The following TRAPPC9 variants were observed in gnomAD, a reference collection of about 807,000 sequenced individuals.
TRAPPC9 encodes the protein trafficking protein particle complex subunit 9.
Under a neutral mutation model 124.0 loss-of-function variants are expected in TRAPPC9, and 83 were observed. The observed-to-expected ratio is 0.67, with a 90% CI of 0.56 to 0.80. The LOEUF (loss-of-function observed/expected upper bound fraction) is 0.80, where lower values mean the gene tolerates loss of function less well. Among genes scored for constraint, TRAPPC9 ranks in the 30% least tolerant of loss-of-function variants. The pLI is 0.00. For synonymous variants in TRAPPC9, 638 were observed against 617.5 expected, an observed-to-expected ratio of 1.03 and a Z score of -0.49; for missense variants, 1,302 against 1,508.3, an observed-to-expected ratio of 0.86 and a Z score of 2.27.
intron 17 of TRAPPC9, among the ~76,000 whole-genome samples, chr8:140,139,474 C>T (rs181639504): frequency 2.0e-5 from 3 of 152,264 alleles, no homozygotes; most frequent in Admixed American, 1.3e-4. Flanking sequence ...CAAAAAGACA[C>T]AGACGAAAAC....
At chr8:139,855,330 C>G (rs574774726) in intron 21 of TRAPPC9, among the ~76,000 whole-genome samples, 1 of 152,204 alleles carries the variant, frequency 6.6e-6, no homozygotes, top group Non-Finnish European at 1.5e-5. Context: ...GCTGCTCCCA[C>G]GCAGCCCTAG....
chr8:140,411,992 C>T (rs1159886365), intron 5 of TRAPPC9, among the ~76,000 whole-genome samples: 1 of 152,200 alleles, frequency 6.6e-6, no homozygotes, highest in Non-Finnish European at 1.5e-5. Context: ...ACTGAATCAG[C>T]CAGAACCAGT....
chr8:139,853,311 G>T (rs1296904091), intron 21 of TRAPPC9, among the ~76,000 whole-genome samples: 1 of 152,178 alleles, frequency 6.6e-6, no homozygotes, highest in Non-Finnish European at 1.5e-5. Context: ...AAAAGGAGGA[G>T]GGGAGGCCAA....
chr8:139,772,784 A>G (rs1464111495), intron 21 of TRAPPC9, among the ~76,000 whole-genome samples: 1 of 152,234 alleles, frequency 6.6e-6, no homozygotes, highest in Non-Finnish European at 1.5e-5. Flanking sequence ...TACAAAGTAA[A>G]ATGAGGCCCA....
intron 17 of TRAPPC9, among the ~76,000 whole-genome samples, chr8:140,030,795 C>T (rs1181237646): frequency 6.6e-6 from 1 of 152,178 alleles, no homozygotes; most frequent in Admixed American, 6.5e-5. Flanking sequence ...ATATGAGATA[C>T]TAGAAAAGCT....
At chr8:140,162,417 T>C (rs925919393) in intron 17 of TRAPPC9, among the ~76,000 whole-genome samples, 1 of 152,258 alleles carries the variant, frequency 6.6e-6, no homozygotes, top group African/African-American at 2.4e-5. Context: ...GCTTCCTTTA[T>C]TGATCTGCTG....
intron 17 of TRAPPC9, among the ~76,000 whole-genome samples, chr8:140,036,420 G>A (rs1840883821): frequency 6.6e-6 from 1 of 152,130 alleles, no homozygotes; most frequent in South Asian, 2.1e-4. Context: ...AGAGCTGACC[G>A]ACGGTACGCT....
chr8:140,458,207 G>A, upstream of TRAPPC9: 1 of 1,550,260 alleles, frequency 6.5e-7, no homozygotes, highest in African/African-American at 1.4e-5. Context: ...CAAGAGAACA[G>A]AGACTAGGAG....
At chr8:140,368,219 G>A (rs2068177803) in intron 8 of TRAPPC9, among the ~76,000 whole-genome samples, 2 of 152,184 alleles carry the variant, frequency 1.3e-5, no homozygotes, top group South Asian at 4.1e-4. Context: ...GATACTGAGT[G>A]CAAGAGGTCA....
intron 9 of TRAPPC9, among the ~76,000 whole-genome samples, chr8:140,332,412 G>T (rs980455913): frequency 2.0e-5 from 3 of 152,118 alleles, no homozygotes; most frequent in Non-Finnish European, 4.4e-5. Flanking sequence ...GCACTGTAGG[G>T]TGACTAAAAG....
chr8:139,841,041 C>T (rs1826695752), intron 21 of TRAPPC9, among the ~76,000 whole-genome samples: 1 of 152,160 alleles, frequency 6.6e-6, no homozygotes, highest in Non-Finnish European at 1.5e-5. Context: ...AGTATGAAAG[C>T]GGCCTCGCCT....
chr8:140,391,464 G>A (rs1046256028), intron 7 of TRAPPC9, among the ~76,000 whole-genome samples: 2 of 152,186 alleles, frequency 1.3e-5, no homozygotes, highest in Non-Finnish European at 2.9e-5. Context: ...TGTAATCCCA[G>A]CACTTTGGAA....
At chr8:139,883,817 C>A (rs1403309831) in intron 21 of TRAPPC9, among the ~76,000 whole-genome samples, 1 of 152,228 alleles carries the variant, frequency 6.6e-6, no homozygotes, top group Admixed American at 6.5e-5. Context: ...CGCAGTGCTC[C>A]CGGCTCTGCT....
intron 15 of TRAPPC9, among the ~76,000 whole-genome samples, chr8:140,254,814 T>G (rs4736161): frequency 0.1 from 15,684 of 152,266 alleles, 1,061 homozygotes; most frequent in Admixed American, 0.17. Context: ...CAGTCTAGAA[T>G]CCTAGATCCA....
chr8:139,740,923 A>G (rs550361352), intron 21 of TRAPPC9, among the ~76,000 whole-genome samples: 2 of 152,160 alleles, frequency 1.3e-5, no homozygotes, highest in African/African-American at 2.4e-5. Context: ...TGTCAGGAGC[A>G]GCACCAGGAG....
At chr8:139,892,361 T>C (rs865789633) in intron 20 of TRAPPC9, among the ~76,000 whole-genome samples, 4 of 152,182 alleles carry the variant, frequency 2.6e-5, no homozygotes, top group Non-Finnish European at 5.9e-5. Flanking sequence ...TGCCTCTCTC[T>C]GGAGAGGAGG....
At position 139,851,103 on chromosome 8, in the gene TRAPPC9, G is replaced by A. The variant is rs564720152; in HGVS notation, c.3055+34776C>T. ...TGATGTCATGGGTTCCTTACACACT[G>A]TTACTGTCAGAGCCTAACCTGTCAG... On this transcript the variant is annotated intron_variant, in intron 21 of 22. Transcript: ENST00000438773. Among the ~76,000 whole-genome samples the A allele has an allele frequency of 7.9e-5, 12 of 152,322 alleles. No individual in the cohort carries two copies. In the South Asian group the frequency reaches 2.5e-3, roughly 32 times the overall value.
At chr8:139,799,689 G>A (rs189185996) in intron 21 of TRAPPC9, among the ~76,000 whole-genome samples, 11 of 152,320 alleles carry the variant, frequency 7.2e-5, no homozygotes, top group East Asian at 1.9e-4. Context: ...CAAGGAGCAC[G>A]GAAGAGCTCC....
intron 19 of TRAPPC9, among the ~76,000 whole-genome samples, chr8:139,954,624 TAAG>T (rs1392443713): frequency 6.6e-5 from 10 of 152,244 alleles, no homozygotes; most frequent in African/African-American, 2.4e-4. Context: ...TGGCCATTTG[TAAG>T]AAGAAGCTGC....
Sources: allele counts gnomAD v4.1 joint callset (sites outside exome capture counted in the v4.1 genomes callset), GRCh38; gene constraint gnomAD v4.1.1; transcripts MANE v1.5; gene names NCBI Gene and HGNC (gene_info 2026-07-23, HGNC 2026-07-21).